Variants in TTC7A observed in about 807,000 individuals in gnomAD.
TTC7A encodes tetratricopeptide repeat protein 7A.
A neutral mutation model predicts 103.7 loss-of-function variants in TTC7A; 110 were observed. That is an observed-to-expected ratio of 1.06 (90% CI 0.91 to 1.24). TTC7A has a LOEUF of 1.24. Ranked by LOEUF, TTC7A falls within the 50% of genes most tolerant of loss-of-function variation. The pLI, the probability that TTC7A is intolerant of heterozygous loss-of-function variation, is 0.00. For missense variants in TTC7A, 1,340 were observed against 1,116.3 expected, an observed-to-expected ratio of 1.20 and a Z score of -2.86; for synonymous variants, 521 against 467.9, an observed-to-expected ratio of 1.11 and a Z score of -1.47.
At chr2:46,994,739 T>G (rs17036015) in intron 7 of TTC7A, among the ~76,000 whole-genome samples, 1,750 of 152,230 alleles carry the variant, frequency 0.011, 41 homozygotes, top group African/African-American at 0.04. Flanking sequence ...ACCAAAGAAA[T>G]CATTTAGAAG....
upstream of TTC7A, among the ~76,000 whole-genome samples, chr2:46,938,005 G>T (rs1670065615): frequency 6.6e-6 from 1 of 152,120 alleles, no homozygotes; most frequent in South Asian, 2.1e-4. Context: ...TTCTGGAGTA[G>T]ATCTTGAAGC....
In TTC7A at chr2:47,052,586, C is replaced by T. The variant is rs570470367; in HGVS notation, c.2152+706C>T. ...GTCTTAACACCGGCTTATGAATGCC[C>T]GGGAGGGACTCGCTGCCAAGAGTTT... On this transcript the variant is annotated intron_variant, in intron 18 of 19. Coordinates refer to ENST00000319190, the MANE Select transcript of TTC7A (RefSeq NM_020458.4). Among the ~76,000 whole-genome samples the T allele has an allele frequency of 9.2e-4, 140 of 152,282 alleles. 2 individuals are homozygous for T. The South Asian group carries it at 0.012, about 13-fold the overall frequency.
chr2:46,938,367 T>A (rs1670083704), upstream of TTC7A, among the ~76,000 whole-genome samples: 1 of 152,184 alleles, frequency 6.6e-6, no homozygotes, highest in Non-Finnish European at 1.5e-5. Flanking sequence ...AGTAAACTTC[T>A]TGGGTCATAC....
At chr2:46,969,789 A>T (rs116673605) in intron 3 of TTC7A, among the ~76,000 whole-genome samples, 7 of 152,256 alleles carry the variant, frequency 4.6e-5, no homozygotes, top group Middle Eastern at 3.4e-3. Flanking sequence ...TCATTCATCT[A>T]TGCATCCGTC....
chr2:46,943,022 C>T (rs914828806), intron 1 of TTC7A, among the ~76,000 whole-genome samples: 2 of 152,262 alleles, frequency 1.3e-5, no homozygotes, highest in African/African-American at 2.4e-5. Flanking sequence ...CATTCCACCT[C>T]AGCCTCCCAA....
chr2:47,038,696 AG>A (rs1403048299), intron 15 of TTC7A, among the ~76,000 whole-genome samples: 1 of 114,622 alleles, frequency 8.7e-6, no homozygotes. Flanking sequence ...CAGGAGCCAG[AG>A]GGATCCGGAA....
intron 10 of TTC7A, 70 bp downstream of exon 10, chr2:47,006,794 C>A (rs1677458077): frequency 1.6e-6 from 2 of 1,278,434 alleles, no homozygotes; most frequent in Non-Finnish European, 2.3e-6. Flanking sequence ...GACAGAGGGG[C>A]TTTTCTGGCC....
At chr2:47,072,904 C>A (rs886730996) in intron 19 of TTC7A, among the ~76,000 whole-genome samples, 3 of 152,230 alleles carry the variant, frequency 2.0e-5, no homozygotes, top group African/African-American at 7.2e-5. Flanking sequence ...GTGCCAGTTT[C>A]ACTTCCCAGC....
At chr2:46,948,560 G>A (rs1457483368) in intron 1 of TTC7A, among the ~76,000 whole-genome samples, 2 of 152,102 alleles carry the variant, frequency 1.3e-5, no homozygotes, top group Admixed American at 6.5e-5. Context: ...TGGGATTCTG[G>A]GCTTTAGAAC....
At chr2:46,977,141 C>T (rs1673959635) in intron 4 of TTC7A, among the ~76,000 whole-genome samples, 1 of 152,200 alleles carries the variant, frequency 6.6e-6, no homozygotes, top group Non-Finnish European at 1.5e-5. Context: ...GCTATAATGC[C>T]AGGCACTGTA....
intron 18 of TTC7A, among the ~76,000 whole-genome samples, chr2:47,056,471 A>G (rs571252383): frequency 6.6e-6 from 1 of 152,194 alleles, no homozygotes; most frequent in Non-Finnish European, 1.5e-5. Flanking sequence ...TACCCTGCTC[A>G]TTAGCACAGG....
At chr2:46,916,093 C>T (rs1046136502), upstream of TTC7A, 3 of 985,546 alleles carry the variant, frequency 3.0e-6, no homozygotes, top group Non-Finnish European at 3.6e-6. Flanking sequence ...GTTCCACGGG[C>T]GACGTAGGAT....
At chr2:47,014,136 C>T (rs1678373253) in intron 11 of TTC7A, among the ~76,000 whole-genome samples, 2 of 152,206 alleles carry the variant, frequency 1.3e-5, no homozygotes, top group African/African-American at 2.4e-5. Context: ...GACACATTCA[C>T]TTGGCAATGA....
chr2:46,974,986 A>T lies in TTC7A; in HGVS notation c.531A>T (p.Glu177Asp), dbSNP rs1673729572. 6.2e-7 allele frequency: 1 copy of T among 1,613,788 alleles called. No homozygotes were observed. The highest frequency in any genetic ancestry group is 1.1e-5 in the South Asian group (1 of 91,078). Residue 177 changes from glutamate to aspartate, a missense_variant, in exon 4 of 20, where the codon GAA becomes GAT. By Grantham distance (45) the Glu-to-Asp change is conservative. Transcript: ENST00000319190. ...EAFVIKGLSL[E>D]RLPNSIASRF... is the part of the protein sequence containing the mutation. ...TTCCTCCCGCAGGCCTCTCTCTGGA[A>T]CGCCTACCCAACTCCATCGCCTCCC... is the stretch of plus-strand genomic sequence containing the variant.
intron 11 of TTC7A, among the ~76,000 whole-genome samples, chr2:47,021,598 A>G (rs1446617296): frequency 6.6e-6 from 1 of 152,228 alleles, no homozygotes; most frequent in East Asian, 1.9e-4. Flanking sequence ...TGTGCCGAGC[A>G]GGACAGGCAC....
intron 10 of TTC7A, among the ~76,000 whole-genome samples, chr2:47,009,987 G>A (rs1558572638): frequency 6.6e-6 from 1 of 151,788 alleles, no homozygotes; most frequent in Non-Finnish European, 1.5e-5. Flanking sequence ...GGCAGTGTAG[G>A]GTAGTGGTTA....
chr2:47,005,871 A>G (rs1357614763), intron 8 of TTC7A, 51 bp from the exon 9 acceptor site: 31 of 1,604,900 alleles, frequency 1.9e-5, no homozygotes, highest in Non-Finnish European at 2.6e-5. Context: ...GAAGACAGAC[A>G]CCTGCTTATC....
intron 3 of TTC7A, among the ~76,000 whole-genome samples, chr2:46,974,098 A>C (rs933724627): frequency 6.6e-6 from 1 of 152,162 alleles, no homozygotes; most frequent in African/African-American, 2.4e-5. Context: ...TTGTAACTGA[A>C]ATGCAGTTCA....
chr2:47,070,070 CAAAG>C (rs1349624235), intron 19 of TTC7A, among the ~76,000 whole-genome samples: 3 of 150,548 alleles, frequency 2.0e-5, no homozygotes, highest in Admixed American at 6.6e-5. Context: ...AGGCCCCCCT[CAAAG>C]GAAGAAGAAG....
Sources: allele counts gnomAD v4.1 joint callset (sites outside exome capture counted in the v4.1 genomes callset), GRCh38; gene constraint gnomAD v4.1.1; transcripts MANE v1.5; gene names NCBI Gene and HGNC (gene_info 2026-07-23, HGNC 2026-07-21).